PDE8B: variants seen among roughly 807,000 people sequenced by gnomAD.
PDE8B encodes phosphodiesterase 8B, also known as high affinity cAMP-specific and IBMX-insensitive 3',5'-cyclic phosphodiesterase 8B.
Under a neutral mutation model 101.3 loss-of-function variants are expected in PDE8B, and 26 were observed. The ratio of observed to expected loss-of-function variants is 0.26; its 90% confidence interval spans 0.19 to 0.36. The LOEUF is 0.36. PDE8B is among the 10% of genes least tolerant of loss of function. The pLI is 1.00. For missense variants in PDE8B, 810 were observed against 1,163.1 expected (o/e 0.70, Z 4.42); for synonymous variants, 424 against 429.3 (o/e 0.99, Z 0.15).
chr5:77,285,720 A>G (rs921060165), intron 1 of PDE8B, among the ~76,000 whole-genome samples: 2 of 151,932 alleles, frequency 1.3e-5, no homozygotes, highest in African/African-American at 4.8e-5. Context: ...TGGGACTTCA[A>G]TTACTAATGT....
At chr5:77,400,200 A>T (rs1315706832) in intron 10 of PDE8B, 48 bp from the exon 11 acceptor site, 1 of 1,266,618 alleles carries the variant, frequency 7.9e-7, no homozygotes, top group Non-Finnish European at 1.2e-6. Context: ...AGCAAATGGC[A>T]TATTTAAAAT....
chr5:77,127,650 A>AT, the PDE8B span, among the ~76,000 whole-genome samples: 1 of 152,114 alleles, frequency 6.6e-6, no homozygotes, highest in African/African-American at 2.4e-5. Context: ...GAGTCAGTTA[A>AT]TTGGAGATGG....
At chr5:77,119,737 CGGT>C in the PDE8B span, 1 of 151,134 alleles carries the variant, frequency 6.6e-6, no homozygotes, top group African/African-American at 2.4e-5. Context: ...AGGCCAGGCA[CGGT>C]GGCTCATGCC....
intron 6 of PDE8B, among the ~76,000 whole-genome samples, chr5:77,338,185 A>G (rs1438866005): frequency 1.3e-5 from 2 of 152,208 alleles, no homozygotes; most frequent in Admixed American, 6.5e-5. Context: ...CTCAACACAA[A>G]ATAAGTAGGA....
intron 6 of PDE8B, among the ~76,000 whole-genome samples, chr5:77,338,535 G>A (rs1030680437): frequency 2.6e-5 from 4 of 152,194 alleles, no homozygotes; most frequent in Non-Finnish European, 5.9e-5. Context: ...GACTTTTTGA[G>A]CGTATAAGTA....
chr5:77,165,929 AG>A, the PDE8B span, among the ~76,000 whole-genome samples: 14 of 149,854 alleles, frequency 9.3e-5, no homozygotes, highest in African/African-American at 3.2e-4. Flanking sequence ...TCACGAACCC[AG>A]GAAGCAGAGG....
In PDE8B at chr5:77,334,663, T is replaced by C. The variant is rs543670531; in HGVS notation, c.709-2564T>C. Among the ~76,000 whole-genome samples the C allele has an allele frequency of 2.3e-3, 353 of 152,326 alleles. 2 individuals are homozygous for C. Among genetic ancestry groups the C allele is most frequent in the African/African-American group, 8.2e-3 (340 of 41,584 alleles). On this transcript the variant is annotated intron_variant, in intron 5 of 21. Transcript: ENST00000264917. ...CCTCCTCTACATATGAGGGATTTGA[T>C]ATTTTCTCCATTTTTGCAGAGGAGG...
chr5:77,310,240 C>T (rs889336052), intron 1 of PDE8B, among the ~76,000 whole-genome samples: 2 of 152,178 alleles, frequency 1.3e-5, no homozygotes, highest in South Asian at 2.1e-4. Flanking sequence ...CGAGAGCCAC[C>T]GCATCTGGCC....
At chr5:77,321,978 C>T (rs1390638442) in intron 2 of PDE8B, among the ~76,000 whole-genome samples, 1 of 152,168 alleles carries the variant, frequency 6.6e-6, no homozygotes, top group Non-Finnish European at 1.5e-5. Flanking sequence ...CTGGGAAGCA[C>T]CGCAGTCAGT....
intron 1 of PDE8B, among the ~76,000 whole-genome samples, chr5:77,278,436 G>T (rs1764258188): frequency 6.6e-6 from 1 of 152,156 alleles, no homozygotes; most frequent in South Asian, 2.1e-4. Flanking sequence ...TTGAGATTCA[G>T]AACAAGACTC....
intron 10 of PDE8B, among the ~76,000 whole-genome samples, chr5:77,357,471 AG>A (rs1782318916): frequency 6.6e-6 from 1 of 152,182 alleles, no homozygotes; most frequent in African/African-American, 2.4e-5. Flanking sequence ...GTTGACAGCT[AG>A]TAAGATTTTT....
In PDE8B at chr5:77,426,479, G is replaced by A. The variant is rs1277402010; in HGVS notation, c.2583G>A (p.Leu861=). 6.2e-7 allele frequency: 1 copy of A among 1,613,572 alleles called. No homozygotes were observed. The highest frequency in any genetic ancestry group is 1.7e-5 in the Admixed American group (1 of 59,994). The change falls in exon 22 of 22, where the codon TTG becomes TTA. Residue 861 remains leucine, a synonymous_variant. Transcript: ENST00000264917. ...FAHLPALMQH[L]ADNYKHWKTL... ...ATCTGCCAGCCCTGATGCAACATTT[G>A]GCTGACAACTACAAACACTGGAAGA...
rs1331656252 is a variant in PDE8B, at chr5:77,239,023, A to G, written c.339+27759A>G. On this transcript the variant is annotated intron_variant, in intron 1 of 21. Coordinates refer to ENST00000264917, the MANE Select transcript of PDE8B (RefSeq NM_003719.5). ...CAGATACACTCAGATATGTTTTAAAAGCTATCTAGGCATCCCTTAGCCCAG... is the reference window on the plus strand; with the variant it reads ...CAGATACACTCAGATATGTTTTAAAGGCTATCTAGGCATCCCTTAGCCCAG... Among the ~76,000 whole-genome samples, 4 of 152,230 alleles carry G rather than the reference A, an allele frequency of 2.6e-5. No homozygotes were observed. The East Asian group carries it at 7.7e-4, about 29-fold the overall frequency.
chr5:77,170,354 A>G, the PDE8B span, among the ~76,000 whole-genome samples: 147 of 152,290 alleles, frequency 9.7e-4, no homozygotes, highest in African/African-American at 3.5e-3. Flanking sequence ...TAAGGAGCTC[A>G]TGGTCTCACT....
chr5:77,164,617 C>G, the PDE8B span, among the ~76,000 whole-genome samples: 1 of 152,202 alleles, frequency 6.6e-6, no homozygotes, highest in African/African-American at 2.4e-5. Context: ...AGCTTCATAT[C>G]CAAAACAACC....
intron 1 of PDE8B, among the ~76,000 whole-genome samples, chr5:77,287,428 A>AT (rs935199531): frequency 1.3e-4 from 19 of 149,446 alleles, no homozygotes; most frequent in South Asian, 6.3e-4. Context: ...GCACTTAGGT[A>AT]TTTTTTTTTC....
At chr5:77,412,954 A>G (rs1328475431) in intron 16 of PDE8B, among the ~76,000 whole-genome samples, 157 bp from the exon 17 acceptor site, 1 of 152,128 alleles carries the variant, frequency 6.6e-6, no homozygotes, top group Non-Finnish European at 1.5e-5. Flanking sequence ...AGAAGGAGAG[A>G]TCCTACCTCC....
At chr5:77,116,879 C>T in the PDE8B span, among the ~76,000 whole-genome samples, 1 of 152,188 alleles carries the variant, frequency 6.6e-6, no homozygotes, top group Non-Finnish European at 1.5e-5. Context: ...CACTCCAACC[C>T]TCTTCAATTC....
At chr5:77,377,105 TGAG>T (rs1434061515) in intron 10 of PDE8B, among the ~76,000 whole-genome samples, 2 of 147,320 alleles carry the variant, frequency 1.4e-5, no homozygotes, top group Non-Finnish European at 3.1e-5. Flanking sequence ...AGCATAAAAG[TGAG>T]GAGACAAGTG....
Sources: gnomAD v4.1 joint callset for allele counts (sites outside exome capture counted in the v4.1 genomes callset) on GRCh38, gnomAD v4.1.1 for gene constraint, MANE v1.5 for transcripts, NCBI Gene and HGNC (gene_info 2026-07-23, HGNC 2026-07-21) for gene names.